PCDHGB3: variants seen among roughly 807,000 people sequenced by gnomAD.
PCDHGB3 encodes the protein protocadherin gamma-B3.
A neutral mutation model predicts 59.2 loss-of-function variants in PCDHGB3; 40 were observed. The observed-to-expected ratio is 0.68, with a 90% confidence interval of 0.52 to 0.88. The LOEUF is 0.88. Ranked by LOEUF, PCDHGB3 falls within the 40% of genes least tolerant of loss-of-function variation. The pLI, the probability that PCDHGB3 is intolerant of heterozygous loss-of-function variation, is 0.00. For missense variants in PCDHGB3, 1,309 were observed against 1,187.9 expected (o/e 1.10, Z -1.50); for synonymous variants, 581 against 503.6 (o/e 1.15, Z -2.06).
At chr5:141,399,483 CTACT>C in intron 1 of PCDHGB3, 2 of 1,614,048 alleles carry the variant, frequency 1.2e-6, no homozygotes, top group Non-Finnish European at 8.5e-7. Context: ...ACCAGGCGTC[CTACT>C]TAGTCAGTGT....
At chr5:141,394,458 A>G (rs776488659) in intron 1 of PCDHGB3, 1 of 1,614,218 alleles carries the variant, frequency 6.2e-7, no homozygotes, top group South Asian at 1.1e-5. Context: ...CATGTCACTG[A>G]GCCTGTTCGT....
intron 1 of PCDHGB3, chr5:141,478,893 T>G (rs1469313900): frequency 1.8e-6 from 2 of 1,102,894 alleles, no homozygotes; most frequent in Admixed American, 3.1e-5. Flanking sequence ...TCATTTACAT[T>G]AGGAATAAGC....
rs761202330 is a variant in PCDHGB3 at position 141,489,878 on chromosome 5, C to T, written c.2416-4929C>T. 1.1e-5 allele frequency: 17 copies of T among 1,614,116 alleles called. No individual in the cohort carries two copies. In the East Asian group the frequency reaches 3.6e-4, roughly 34 times the overall value. On this transcript the variant is annotated intron_variant, in intron 1 of 3. Transcript: ENST00000576222. This position sits in a 1 kb window ranked among gnomAD's most constrained non-coding sequence, Gnocchi z 4.5. ...CAGGCAAGACATCAGCTGGTGCTTA[C>T]TGCTGTGGATGGGGGGACCCCAGCC... is the stretch of plus-strand genomic sequence containing the variant.
intron 1 of PCDHGB3, chr5:141,427,590 C>A: frequency 1.5e-6 from 1 of 679,008 alleles, no homozygotes; most frequent in Non-Finnish European, 2.7e-6. Flanking sequence ...CAGCACAAGC[C>A]TCACCCTACG....
At chr5:141,428,129 C>G (rs1449809875) in intron 1 of PCDHGB3, 1 of 1,603,218 alleles carries the variant, frequency 6.2e-7, no homozygotes, top group Non-Finnish European at 8.5e-7. Context: ...CCGGGCTTTT[C>G]AGCCTGGGGC....
chr5:141,461,258 A>G lies in PCDHGB3; in HGVS notation c.2416-33549A>G, dbSNP rs2099011921. Among the ~76,000 whole-genome samples, 4 of 152,104 alleles carry G rather than the reference A, an allele frequency of 2.6e-5. No individual in the cohort carries two copies. In the South Asian group the frequency reaches 8.3e-4, roughly 31 times the overall value. The stretch of plus-strand genomic sequence containing the variant: ...GTACTAATTTATATTCCCAGCAGCA[A>G]TGTGTAAGTGTTCTCTTTTCCCCAC... On this transcript the variant is annotated intron_variant, in intron 1 of 3. Transcript: ENST00000576222.
At chr5:141,388,824 T>G (rs760173455) in intron 1 of PCDHGB3, 1 of 1,613,960 alleles carries the variant, frequency 6.2e-7, no homozygotes, top group East Asian at 2.2e-5. Flanking sequence ...CAAAGAATAT[T>G]CCATAGTTTT....
intron 1 of PCDHGB3, chr5:141,414,177 T>G (rs370827396): frequency 1.7e-5 from 28 of 1,607,906 alleles, no homozygotes; most frequent in Non-Finnish European, 2.2e-5. Flanking sequence ...ATCTTGCAAC[T>G]GCAAAAGTGT....
chr5:141,417,004 AT>A (rs1462550813), intron 1 of PCDHGB3: 1 of 149,888 alleles, frequency 6.7e-6, no homozygotes, highest in African/African-American at 2.5e-5. Context: ...ATCTCAAATA[AT>A]TCTATTATTT....
chr5:141,431,408 G>T lies in PCDHGB3; in HGVS notation c.2415+58599G>T, dbSNP rs1270461546. On this transcript the variant is annotated intron_variant, in intron 1 of 3. Coordinates refer to ENST00000576222, the MANE Select transcript of PCDHGB3 (RefSeq NM_018924.5). The surrounding 1 kb of genome is among the most constrained non-coding windows in gnomAD (Gnocchi z 4.8). ...CCACCTGGTCCTTACGGCCTCCGAC[G>T]GGGGCGACCCGGTGCGCACAGGCAC... 4 of 1,613,600 alleles carry T rather than the reference G, an allele frequency of 2.5e-6. No individual in the cohort carries two copies. Among genetic ancestry groups the T allele is most frequent in the Non-Finnish European group, 3.4e-6 (4 of 1,180,038 alleles).
chr5:141,511,489 A>G lies in PCDHGB3; in HGVS notation c.*316A>G. 2.3e-6 allele frequency: 1 copy of G among 435,688 alleles called. No individual in the cohort carries two copies. Among genetic ancestry groups the G allele is most frequent in the Non-Finnish European group, 4.2e-6 (1 of 239,908 alleles). The allele number at this position is 435,688 out of a possible 1,614,324, so 27.0% of individuals were successfully genotyped here. ...CGTTTAGTTACAGCTGAACTCCTCC[A>G]TCTTCCAAATCAATCAGGCCCATCC... On this transcript the variant is annotated 3_prime_UTR_variant, in exon 4 of 4. Coordinates refer to ENST00000576222, the MANE Select transcript of PCDHGB3 (RefSeq NM_018924.5).
rs200877911 is a variant in PCDHGB3 at position 141,477,977 on chromosome 5, A to G, written c.2416-16830A>G. ...ATCCCCTAACCAGAGCCTTTTTGCC[A>G]TAGGGCTGCACACTGGTCAAATCAG... On this transcript the variant is annotated intron_variant, in intron 1 of 3. Coordinates refer to ENST00000576222, the MANE Select transcript of PCDHGB3 (RefSeq NM_018924.5). The surrounding 1 kb of genome is among the most constrained non-coding windows in gnomAD (Gnocchi z 4.9). 5 of 1,614,092 alleles carry G rather than the reference A, an allele frequency of 3.1e-6. No individual in the cohort carries two copies. The East Asian group carries it at 6.7e-5, about 22-fold the overall frequency.
rs575856599 is a variant in PCDHGB3 at position 141,399,712 on chromosome 5, C to T, written c.2415+26903C>T. ...GCTGCGCACCTTCGAACTCACACTA[C>T]AGGCCCGCGACCAGGGCTCGCCTGC... On this transcript the variant is annotated intron_variant, in intron 1 of 3. Transcript: ENST00000576222. The T allele has an allele frequency of 7.4e-6, 12 of 1,613,378 alleles. No individual in the cohort carries two copies. In the East Asian group the frequency reaches 2.2e-4, roughly 30 times the overall value.
chr5:141,396,922 C>T lies in PCDHGB3; in HGVS notation c.2415+24113C>T, dbSNP rs576253766. Among the ~76,000 whole-genome samples, 68 of 152,290 alleles carry T rather than the reference C, an allele frequency of 4.5e-4. 1 individual carries two copies. The highest frequency in any genetic ancestry group is 1.5e-3 in the African/African-American group (61 of 41,560). ...TTGGCACTTTGCAATTTTAAAAACT[C>T]GGATGAAAGTTGCCCTGGTAGGAAA... On this transcript the variant is annotated intron_variant, in intron 1 of 3. Transcript: ENST00000576222.
chr5:141,480,719 A>G (rs1455113968), intron 1 of PCDHGB3, among the ~76,000 whole-genome samples: 1 of 152,194 alleles, frequency 6.6e-6, no homozygotes, highest in Non-Finnish European at 1.5e-5. Flanking sequence ...ATGAAAGCAC[A>G]GTCTCTGGGG....
chr5:141,465,273 G>A (rs949271610), intron 1 of PCDHGB3, among the ~76,000 whole-genome samples: 1 of 152,068 alleles, frequency 6.6e-6, no homozygotes, highest in Non-Finnish European at 1.5e-5. Context: ...TAGCCATTTA[G>A]TTCACCCCTA....
chr5:141,420,357 CT>C, intron 1 of PCDHGB3: 1 of 1,376,278 alleles, frequency 7.3e-7, no homozygotes, highest in Non-Finnish European at 9.6e-7. Context: ...TTTTAAGATT[CT>C]AGATAACTTC....
chr5:141,398,686 G>T (rs2093688431), intron 1 of PCDHGB3: 6 of 1,613,920 alleles, frequency 3.7e-6, no homozygotes, highest in Non-Finnish European at 5.1e-6. Context: ...GGAGAAACAG[G>T]ATGGTAGTAA....
At chr5:141,456,119 C>G (rs902179639) in intron 1 of PCDHGB3, among the ~76,000 whole-genome samples, 3 of 151,826 alleles carry the variant, frequency 2.0e-5, no homozygotes, top group Non-Finnish European at 4.4e-5. Flanking sequence ...GGATGGTCTC[C>G]ATCTCCTGAC....
Sources: allele counts gnomAD v4.1 joint callset (sites outside exome capture counted in the v4.1 genomes callset), GRCh38; gene constraint gnomAD v4.1.1; non-coding constraint Gnocchi (gnomAD v3.1); transcripts MANE v1.5; gene names NCBI Gene and HGNC (gene_info 2026-07-23, HGNC 2026-07-21).